Variants in AUTS2 observed in about 807,000 individuals in gnomAD.
AUTS2 encodes activator of transcription and developmental regulator AUTS2, also known as autism susceptibility gene 2 protein.
A neutral mutation model predicts 112.4 loss-of-function variants in AUTS2; 17 were observed. That is an observed-to-expected ratio of 0.15 (90% CI 0.10 to 0.23). The LOEUF (loss-of-function observed/expected upper bound fraction) is 0.23. Among genes scored for constraint, AUTS2 ranks in the 10% least tolerant of loss-of-function variants. AUTS2 has a pLI of 1.00. For synonymous variants in AUTS2, 751 were observed against 702.7 expected (o/e 1.07, Z -1.09); for missense variants, 1,510 against 1,701.6 (o/e 0.89, Z 1.98).
At chr7:70,644,196 G>C (rs1324811928) in intron 5 of AUTS2, among the ~76,000 whole-genome samples, 1 of 152,126 alleles carries the variant, frequency 6.6e-6, no homozygotes, top group African/African-American at 2.4e-5. Flanking sequence ...AGGTTGTGGA[G>C]GGAACAAACA....
chr7:69,854,900 G>A (rs1418349275), intron 1 of AUTS2, among the ~76,000 whole-genome samples: 1 of 152,126 alleles, frequency 6.6e-6, no homozygotes, highest in African/African-American at 2.4e-5. Flanking sequence ...TATTTCTAGA[G>A]TGTAGTCCAG....
At chr7:69,673,996 A>G (rs1356847368) in intron 1 of AUTS2, among the ~76,000 whole-genome samples, 2 of 152,170 alleles carry the variant, frequency 1.3e-5, no homozygotes, top group South Asian at 2.1e-4. Context: ...AAATATTGCA[A>G]ATATTTAATT....
intron 5 of AUTS2, among the ~76,000 whole-genome samples, chr7:70,605,537 C>T (rs1426693922): frequency 2.5e-4 from 26 of 103,604 alleles, no homozygotes; most frequent in African/African-American, 6.1e-4. Flanking sequence ...TCTTTCTTTC[C>T]TTCTTTCTCT....
intron 5 of AUTS2, among the ~76,000 whole-genome samples, chr7:70,496,877 C>CT (rs1798557510): frequency 7.1e-6 from 1 of 141,686 alleles, no homozygotes; most frequent in Non-Finnish European, 1.5e-5. Context: ...CACACACATG[C>CT]ACACGTCACA....
At chr7:70,140,035 A>T (rs2129575309) in intron 4 of AUTS2, among the ~76,000 whole-genome samples, 1 of 152,278 alleles carries the variant, frequency 6.6e-6, no homozygotes, top group Non-Finnish European at 1.5e-5. Flanking sequence ...TTCATTTTTT[A>T]ATTTAATAAT....
At position 70,039,650 on chromosome 7, in the gene AUTS2, G is replaced by T. The variant is rs369191589; in HGVS notation, c.523-78482G>T. 3.3e-4 allele frequency among the ~76,000 whole-genome samples: 50 copies of T among 152,252 alleles called. No homozygotes were observed. In the South Asian group the frequency reaches 0.01, roughly 32 times the overall value. The stretch of plus-strand genomic sequence containing the variant: ...AGGTGTGAATCATTGCACCCGGCCT[G>T]AGCTACTGCGCTTGGGCCATGGTTC... On this transcript the variant is annotated intron_variant, in intron 2 of 18. Coordinates refer to ENST00000342771, the MANE Select transcript of AUTS2 (RefSeq NM_015570.4).
rs1429619774 is a variant in AUTS2 at position 70,570,676 on chromosome 7, C to T, written c.691-127893C>T. On this transcript the variant is annotated intron_variant, in intron 5 of 18. Transcript: ENST00000342771. ...TCCTGCTAAGACTATGTGGACCCAG[C>T]TGGGGTTCCCATTCTTTTTCCAGGT... Among the ~76,000 whole-genome samples the T allele has an allele frequency of 2.0e-5, 3 of 152,312 alleles. No individual in the cohort carries two copies. The East Asian group carries it at 5.8e-4, about 29-fold the overall frequency.
intron 2 of AUTS2, among the ~76,000 whole-genome samples, chr7:70,090,200 A>G (rs1337792484): frequency 1.3e-5 from 2 of 151,690 alleles, no homozygotes; most frequent in Non-Finnish European, 2.9e-5. Flanking sequence ...TTCAAGTGAT[A>G]TACTACCCAT....
Position 69,964,081 on chromosome 7 carries a change from G to T in AUTS2, c.522+64583G>T, listed in dbSNP as rs142779721. Among the ~76,000 whole-genome samples, 432 of 152,246 alleles carry T rather than the reference G, an allele frequency of 2.8e-3. 1 individual carries two copies. Among genetic ancestry groups the T allele is most frequent in the African/African-American group, 0.01 (421 of 41,562 alleles). On this transcript the variant is annotated intron_variant, in intron 2 of 18. Transcript: ENST00000342771. ...ATGTCCCTCCTCTCTTTAGCTCTAAGAAAATTTGTGTGTTCTTATTAATTC... is the reference window on the plus strand; with the variant it reads ...ATGTCCCTCCTCTCTTTAGCTCTAATAAAATTTGTGTGTTCTTATTAATTC...
intron 1 of AUTS2, among the ~76,000 whole-genome samples, chr7:69,769,079 T>C (rs1480778335): frequency 6.6e-6 from 1 of 152,224 alleles, no homozygotes; most frequent in African/African-American, 2.4e-5. Flanking sequence ...CAAAACATAT[T>C]GATGATGTCT....
chr7:70,103,921 AT>A (rs1482961423), intron 2 of AUTS2, among the ~76,000 whole-genome samples: 6 of 151,918 alleles, frequency 3.9e-5, no homozygotes, highest in Admixed American at 2.0e-4. Flanking sequence ...AAAAAAAAAA[AT>A]AAATGAAAAT....
At chr7:69,945,132 A>G (rs1584477010) in intron 2 of AUTS2, among the ~76,000 whole-genome samples, 1 of 152,188 alleles carries the variant, frequency 6.6e-6, no homozygotes, top group South Asian at 2.1e-4. Context: ...ATACCATAAA[A>G]TTCCACTAAT....
chr7:70,694,763 C>T lies in AUTS2; in HGVS notation c.691-3806C>T, dbSNP rs1292382625. 2 of 149,158 alleles carry T rather than the reference C, an allele frequency of 1.3e-5. No individual in the cohort carries two copies. Among genetic ancestry groups the T allele is most frequent in the Non-Finnish European group, 3.0e-5 (2 of 66,574 alleles). 9.2% of individuals were successfully genotyped at this position (149,158 alleles called of 1,614,324 possible). On this transcript the variant is annotated intron_variant, in intron 5 of 18. Coordinates refer to ENST00000342771, the MANE Select transcript of AUTS2 (RefSeq NM_015570.4). This position sits in a 1 kb window ranked among gnomAD's most constrained non-coding sequence, Gnocchi z 4.1. The stretch of plus-strand genomic sequence containing the variant: ...CGGCGGGCGCGCTCCTCCCGCCGCC[C>T]GGGGCCTCGGCCGCGCTGGATGTGT...
At chr7:70,627,984 C>T (rs1805038347) in intron 5 of AUTS2, among the ~76,000 whole-genome samples, 1 of 152,164 alleles carries the variant, frequency 6.6e-6, no homozygotes. Context: ...TGCCGGGATA[C>T]TCTTTCCCCG....
intron 6 of AUTS2, among the ~76,000 whole-genome samples, chr7:70,699,773 T>C (rs1315909806): frequency 6.6e-6 from 1 of 152,224 alleles, no homozygotes; most frequent in Non-Finnish European, 1.5e-5. Flanking sequence ...TTATCCATAA[T>C]GCTAAAAGCC....
intron 2 of AUTS2, among the ~76,000 whole-genome samples, chr7:70,085,686 A>G (rs1356340066): frequency 6.6e-6 from 1 of 152,150 alleles, no homozygotes; most frequent in Non-Finnish European, 1.5e-5. Context: ...ATACTTCTAT[A>G]CAGTTGTTCC....
At chr7:70,240,887 A>T (rs2129600063) in intron 4 of AUTS2, among the ~76,000 whole-genome samples, 1 of 152,354 alleles carries the variant, frequency 6.6e-6, no homozygotes, top group South Asian at 2.1e-4. Flanking sequence ...ATCAAATCTT[A>T]TGCTTAGAAG....
intron 4 of AUTS2, among the ~76,000 whole-genome samples, chr7:70,298,862 CAATT>C (rs751121846): frequency 9.8e-5 from 15 of 152,298 alleles, no homozygotes; most frequent in Non-Finnish European, 1.9e-4. Context: ...TGTGGTTTCT[CAATT>C]AACCAAAAGC....
chr7:70,623,446 C>T (rs1804778590), intron 5 of AUTS2, among the ~76,000 whole-genome samples: 1 of 152,168 alleles, frequency 6.6e-6, no homozygotes, highest in South Asian at 2.1e-4. Context: ...TAGCCACTAG[C>T]CACCTGTGGC....
Sources: gnomAD v4.1 joint callset for allele counts (sites outside exome capture counted in the v4.1 genomes callset) on GRCh38, gnomAD v4.1.1 for gene constraint, Gnocchi (gnomAD v3.1) non-coding constraint, MANE v1.5 for transcripts, NCBI Gene and HGNC (gene_info 2026-07-23, HGNC 2026-07-21) for gene names.